Variants in CNPY2 observed in about 807,000 individuals in gnomAD.
CNPY2 encodes the protein protein canopy homolog 2.
Under a neutral mutation model 25.5 loss-of-function variants are expected in CNPY2, and 19 were observed. That is an observed-to-expected ratio of 0.74 (90% confidence interval 0.52 to 1.09). The LOEUF is 1.09. Ranked by LOEUF, CNPY2 falls within the 50% of genes least tolerant of loss-of-function variation. The pLI, the probability that CNPY2 is intolerant of heterozygous loss-of-function variation, is 0.00. For synonymous variants in CNPY2, 82 were observed against 85.0 expected (o/e 0.96, Z 0.19); for missense variants, 214 against 233.6 (o/e 0.92, Z 0.55).
intron 3 of CNPY2, chr12:56,311,758 G>A (rs1394117233): frequency 8.5e-6 from 3 of 352,900 alleles, no homozygotes; most frequent in Non-Finnish European, 1.6e-5. Context: ...CTCTGTGTTG[G>A]TCGGGCTGGT....
At chr12:56,314,375 A>G in intron 3 of CNPY2, 1 of 941,480 alleles carries the variant, frequency 1.1e-6, no homozygotes, top group African/African-American at 1.8e-5. Context: ...TTTTGCCATG[A>G]TGCCCAGGCT....
chr12:56,310,996 G>A lies in CNPY2; in HGVS notation c.467C>T (p.Ala156Val), dbSNP rs149635541. Residue 156 changes from alanine (A) to valine (V), a missense_variant, in exon 5 of 6, where the codon GCT becomes GTT. By Grantham distance (64) the Ala-to-Val change is moderately conservative. Coordinates refer to ENST00000273308, the MANE Select transcript of CNPY2 (RefSeq NM_014255.7). ...GCAAAGTTTGTCTTTAACATTGTCA[G>A]CCTCTCGGGAAAAGAATTCAATGAG... ...DELIEFFSRE[A>V]DNVKDKLCSK... 1 of 1,614,176 alleles carries A rather than the reference G, an allele frequency of 6.2e-7. No individual in the cohort carries two copies. Among genetic ancestry groups the A allele is most frequent in the Non-Finnish European group, 8.5e-7 (1 of 1,180,032 alleles).
At chr12:56,311,481 T>G (rs763274465) in intron 3 of CNPY2, 67 bp from the exon 4 acceptor site, 1 of 1,463,988 alleles carries the variant, frequency 6.8e-7, no homozygotes, top group Admixed American at 1.7e-5. Flanking sequence ...ATATCCTTAC[T>G]TTTCTTTCCA....
At chr12:56,316,165 G>C (rs991853532), upstream of CNPY2, 25 of 152,710 alleles carry the variant, frequency 1.6e-4, no homozygotes, top group African/African-American at 5.5e-4. Context: ...ACCCAGACTT[G>C]CGTGGCGAAC....
Position 56,314,840 on chromosome 12 carries a change from G to A in CNPY2, c.204+11C>T, listed in dbSNP as rs746344729. The A allele has an allele frequency of 2.5e-6, 4 of 1,614,188 alleles. No homozygotes were observed. Among genetic ancestry groups the A allele is most frequent in the Non-Finnish European group, 2.5e-6 (3 of 1,180,038 alleles). On this transcript the variant is annotated intron_variant, in intron 3 of 5. Transcript: ENST00000273308. The stretch of plus-strand genomic sequence containing the variant: ...GTGAGCTACTTTGTTTGGGGGAACA[G>A]TAACAGTTACCTCCACCACTGACTG...
rs1873674962 is a variant in CNPY2 at position 56,310,091 on chromosome 12, T to C, written c.*461A>G. 7.6e-6 allele frequency: 5 copies of C among 661,420 alleles called. No homozygotes were observed. The highest frequency in any genetic ancestry group is 1.4e-5 in the Non-Finnish European group (5 of 367,216). 41.0% of individuals were successfully genotyped at this position (661,420 alleles called of 1,614,324 possible). A position where few individuals can be genotyped will look rare whatever the true frequency, so the allele number is the denominator to read the frequency against. On this transcript the variant is annotated 3_prime_UTR_variant, in exon 6 of 6. Coordinates refer to ENST00000273308, the MANE Select transcript of CNPY2 (RefSeq NM_014255.7). ...TTATTTCCTTCAAGACCAAGCCCTGTCTTACTTTATGTTTCAACAGCCATG... is the reference window on the plus strand; with the variant it reads ...TTATTTCCTTCAAGACCAAGCCCTGCCTTACTTTATGTTTCAACAGCCATG...
intron 5 of CNPY2, 120 bp from the exon 6 acceptor site, chr12:56,310,715 T>C: frequency 9.6e-7 from 1 of 1,041,958 alleles, no homozygotes; most frequent in Admixed American, 1.9e-5. Context: ...CTGCAGAATA[T>C]ATGCTTATAA....
chr12:56,315,131 T>C lies in CNPY2; in HGVS notation c.87A>G (p.Gly29=). The change falls in exon 2 of 6, where the codon GGA becomes GGG. Residue 29 remains glycine, a splice_region_variant and synonymous_variant. Coordinates refer to ENST00000273308, the MANE Select transcript of CNPY2 (RefSeq NM_014255.7). ...TTCTTTTTCCCGTTGTGCCTTTACC[T>C]CCACAGTGGAGATCCTGGCTCCTCC... ...WARRSQDLHC[G]ACRALVDELE... 6.2e-7 allele frequency: 1 copy of C among 1,613,788 alleles called. No individual in the cohort carries two copies. The highest frequency in any genetic ancestry group is 8.5e-7 in the Non-Finnish European group (1 of 1,179,734).
Position 56,309,931 on chromosome 12 carries a change from T to G in CNPY2, c.*621A>C. On this transcript the variant is annotated 3_prime_UTR_variant, in exon 6 of 6. Coordinates refer to ENST00000273308, the MANE Select transcript of CNPY2 (RefSeq NM_014255.7). ...AAGGCCTCTCATTAAACAACCTTCC[T>G]TACCTCGTCTGTCCCTATCCGATAA... 1 of 702,356 alleles carries G rather than the reference T, an allele frequency of 1.4e-6. No individual in the cohort carries two copies. Among genetic ancestry groups the G allele is most frequent in the East Asian group, 2.7e-5 (1 of 37,282 alleles). 43.5% of individuals were successfully genotyped at this position (702,356 alleles called of 1,614,324 possible).
chr12:56,314,623 C>T (rs545281813), intron 3 of CNPY2: 1 of 1,403,612 alleles, frequency 7.1e-7, no homozygotes, highest in Non-Finnish European at 9.3e-7. Context: ...CTGATCAGGA[C>T]TCCCTGTTTG....
intron 5 of CNPY2, 118 bp from the exon 6 acceptor site, chr12:56,310,713 T>C: frequency 9.6e-7 from 1 of 1,036,412 alleles, no homozygotes; most frequent in Non-Finnish European, 1.5e-6. Context: ...TTCTGCAGAA[T>C]ATATGCTTAT....
In CNPY2 at chr12:56,314,898, T is replaced by C. The variant is rs768928573; in HGVS notation, c.157A>G (p.Met53Val). The change falls in exon 3 of 6, where the codon ATG becomes GTG. Residue 53 changes from methionine to valine, a missense_variant. Physicochemically the swap from Met to Val is conservative, Grantham distance 21 (BLOSUM62 1). Coordinates refer to ENST00000273308, the MANE Select transcript of CNPY2 (RefSeq NM_014255.7). ...TCTGGATTGATCCGGAAAGATCCCA[T>C]CTGAATGGTCTTCTTGGGGTCCACC... ...AQVDPKKTIQ[M>V]GSFRINPDGS... 6.2e-7 allele frequency: 1 copy of C among 1,614,106 alleles called. No individual in the cohort carries two copies. The highest frequency in any genetic ancestry group is 1.1e-5 in the South Asian group (1 of 91,092).
chr12:56,313,036 G>A (rs556733376), intron 3 of CNPY2, among the ~76,000 whole-genome samples: 98 of 152,160 alleles, frequency 6.4e-4, no homozygotes, highest in African/African-American at 2.2e-3. Context: ...GAACGTGCAG[G>A]TTTGTTGCAT....
Position 56,310,410 on chromosome 12 carries a change from C to T in CNPY2, c.*142G>A. The T allele has an allele frequency of 2.6e-6, 2 of 775,498 alleles. No homozygotes were observed. The highest frequency in any genetic ancestry group is 1.6e-5 in the South Asian group (1 of 64,288). 48.0% of individuals were successfully genotyped at this position (775,498 alleles called of 1,614,324 possible). ...AGCTTAATGTAAGGGCAATTCCAGG[C>T]ATGAAAAGACAACACAGTTTGTACT... On this transcript the variant is annotated 3_prime_UTR_variant, in exon 6 of 6. Coordinates refer to ENST00000273308, the MANE Select transcript of CNPY2 (RefSeq NM_014255.7).
intron 4 of CNPY2, 24 bp downstream of exon 4, chr12:56,311,187 C>A (rs1280868397): frequency 6.2e-7 from 1 of 1,612,654 alleles, no homozygotes; most frequent in East Asian, 2.2e-5. Flanking sequence ...GTCCAAGAAC[C>A]AGCTACCGAT....
At chr12:56,312,113 A>T (rs796476) in intron 3 of CNPY2, among the ~76,000 whole-genome samples, 1 of 151,716 alleles carries the variant, frequency 6.6e-6, no homozygotes, top group Admixed American at 6.6e-5. Flanking sequence ...CTCCTGACCT[A>T]GTGATCCGCC....
intron 3 of CNPY2, among the ~76,000 whole-genome samples, chr12:56,313,628 A>G (rs1454904245): frequency 6.8e-6 from 1 of 146,950 alleles, no homozygotes; most frequent in Non-Finnish European, 1.5e-5. Context: ...TTTTTTTGAG[A>G]GGAGTCTCGC....
chr12:56,311,349 C>T lies in CNPY2; in HGVS notation c.270G>A (p.Lys90=). The change falls in exon 4 of 6, where the codon AAG becomes AAA. Residue 90 remains lysine (K), a synonymous_variant. Coordinates refer to ENST00000273308, the MANE Select transcript of CNPY2 (RefSeq NM_014255.7). ...AAGGATCAATCTGTTCCCCATACTC[C>T]TTCATCCGGTCACATATCTCCTCCA... ...ELLEEICDRM[K]EYGEQIDPST... The T allele has an allele frequency of 6.2e-7, 1 of 1,614,212 alleles. No homozygotes were observed. The highest frequency in any genetic ancestry group is 8.5e-7 in the Non-Finnish European group (1 of 1,180,042).
In CNPY2 at chr12:56,313,457, T is replaced by A. The variant is rs138534781; in HGVS notation, c.204+1394A>T. Among the ~76,000 whole-genome samples, 1,151 of 152,102 alleles carry A rather than the reference T, an allele frequency of 7.6e-3. 11 individuals carry two copies. The highest frequency in any genetic ancestry group is 0.027 in the African/African-American group (1,103 of 41,506). The stretch of plus-strand genomic sequence containing the variant: ...GTGAGCCGAGATCGTGTCATTGCAC[T>A]CCAGCCTGGGCAACAAGCCCTAAAC... On this transcript the variant is annotated intron_variant, in intron 3 of 5. Transcript: ENST00000273308.
Sources: gnomAD v4.1 joint callset for allele counts (sites outside exome capture counted in the v4.1 genomes callset) on GRCh38, gnomAD v4.1.1 for gene constraint, MANE v1.5 for transcripts, NCBI Gene and HGNC (gene_info 2026-07-23, HGNC 2026-07-21) for gene names.